Variants in POF1B observed in about 807,000 individuals in gnomAD.
POF1B encodes the protein protein POF1B.
Under a neutral mutation model 55.3 loss-of-function variants are expected in POF1B, and 53 were observed. The ratio of observed to expected loss-of-function variants is 0.96; its 90% CI spans 0.77 to 1.20. The LOEUF is 1.20. Ranked by LOEUF, POF1B falls within the 50% of genes most tolerant of loss-of-function variation. The probability of loss-of-function intolerance (pLI) is 0.00; values close to 1 mark genes in which losing one functional copy is unlikely to be tolerated. For synonymous variants in POF1B, 188 were observed against 148.3 expected (o/e 1.27, Z -1.95); for missense variants, 478 against 420.5 (o/e 1.14, Z -1.20).
chrX:85,350,287 G>A (rs1933353396), intron 5 of POF1B, among the ~76,000 whole-genome samples: 1 of 108,005 alleles, frequency 9.3e-6, no homozygotes, highest in Admixed American at 1.0e-4. Flanking sequence ...TGCGGTGTTT[G>A]GTTTTTTGTT....
intron 4 of POF1B, among the ~76,000 whole-genome samples, chrX:85,356,319 G>T (rs1196022133): frequency 9.4e-6 from 1 of 106,905 alleles, no homozygotes; most frequent in Non-Finnish European, 1.9e-5. Flanking sequence ...TGGGGTGGAG[G>T]GAGGGGGGGA....
intron 15 of POF1B, among the ~76,000 whole-genome samples, chrX:85,302,441 A>C (rs753282927): frequency 4.5e-5 from 5 of 111,626 alleles, no homozygotes; most frequent in African/African-American, 1.3e-4. Flanking sequence ...AACAATAACA[A>C]ATGGCAACGA....
chrX:85,318,187 T>C (rs914746854), intron 7 of POF1B, among the ~76,000 whole-genome samples: 9 of 111,846 alleles, frequency 8.0e-5, no homozygotes, highest in South Asian at 3.7e-4. Flanking sequence ...AGTTTACCTA[T>C]GTAACAAGCC....
intron 2 of POF1B, among the ~76,000 whole-genome samples, chrX:85,373,226 C>T (rs1325094412): frequency 9.0e-6 from 1 of 111,454 alleles, no homozygotes; most frequent in Non-Finnish European, 1.9e-5. Context: ...AGGGAGATAG[C>T]TGATGTAATG....
intron 4 of POF1B, among the ~76,000 whole-genome samples, chrX:85,354,328 T>G (rs1347777344): frequency 9.0e-6 from 1 of 111,083 alleles, no homozygotes; most frequent in Non-Finnish European, 1.9e-5. Flanking sequence ...CAAGTAGGCT[T>G]ACTGAGGGCA....
chrX:85,351,424 T>C lies in POF1B; in HGVS notation c.466A>G (p.Ser156Gly). 1 of 1,194,225 alleles carries C rather than the reference T, an allele frequency of 8.4e-7. No individual in the cohort carries two copies. Among genetic ancestry groups the C allele is most frequent in the Non-Finnish European group, 1.1e-6 (1 of 884,459 alleles). ...QEPLSQFLRGSHFFPGNNVIY... is the reference protein window; with the variant it reads ...QEPLSQFLRGGHFFPGNNVIY... ...ACATTGTTTCCTGGGAAGAAATGGC[T>C]TCCTCTTAGGAATTGAGACAGTGGT... Residue 156 changes from serine to glycine, a missense_variant, in exon 5 of 17, where the codon AGC becomes GGC. Physicochemically the swap from Ser to Gly is moderately conservative, Grantham distance 56. Transcript: ENST00000262753.
intron 15 of POF1B, among the ~76,000 whole-genome samples, chrX:85,289,953 GTATTT>G (rs1229013725): frequency 9.0e-6 from 1 of 111,673 alleles, no homozygotes; most frequent in African/African-American, 3.3e-5. Flanking sequence ...AATAATTTTT[GTATTT>G]TATTTATTTT....
At chrX:85,281,104 A>T (rs940258236) in intron 16 of POF1B, among the ~76,000 whole-genome samples, 1 of 110,587 alleles carries the variant, frequency 9.0e-6, no homozygotes, top group Admixed American at 9.7e-5. Context: ...GGCCCTTGGT[A>T]TTCATGGGTT....
intron 2 of POF1B, among the ~76,000 whole-genome samples, chrX:85,375,160 T>C (rs1442733052): frequency 9.0e-6 from 1 of 111,412 alleles, no homozygotes; most frequent in Non-Finnish European, 1.9e-5. Flanking sequence ...TGAGTATATA[T>C]ACTTTATTGA....
At chrX:85,328,752 A>G (rs1445928472) in intron 7 of POF1B, among the ~76,000 whole-genome samples, 1 of 110,080 alleles carries the variant, frequency 9.1e-6, no homozygotes, top group Admixed American at 9.8e-5. Context: ...ACTTGTAACT[A>G]CATGTCTTAA....
chrX:85,369,053 A>G (rs1457048668), intron 2 of POF1B, among the ~76,000 whole-genome samples: 7 of 111,991 alleles, frequency 6.3e-5, no homozygotes, highest in Non-Finnish European at 1.1e-4. Flanking sequence ...AAACTGCCAA[A>G]TGTTCTGAAT....
At chrX:85,306,908 A>G (rs1932586949) in intron 11 of POF1B, among the ~76,000 whole-genome samples, 1 of 111,970 alleles carries the variant, frequency 8.9e-6, no homozygotes, top group African/African-American at 3.2e-5. Flanking sequence ...TAGTATTTCT[A>G]CAATTCTGGT....
intron 15 of POF1B, among the ~76,000 whole-genome samples, chrX:85,287,283 T>C (rs774354912): frequency 4.5e-5 from 5 of 110,810 alleles, no homozygotes; most frequent in African/African-American, 1.3e-4. Flanking sequence ...AGAAACAGTA[T>C]AGGAAAATCA....
chrX:85,370,682 A>T (rs1055335021), intron 2 of POF1B, among the ~76,000 whole-genome samples: 2 of 111,667 alleles, frequency 1.8e-5, no homozygotes, highest in Admixed American at 1.9e-4. Flanking sequence ...AATGAACAAA[A>T]CCTTGATGTT....
At chrX:85,324,242 A>C (rs1392918708) in intron 7 of POF1B, among the ~76,000 whole-genome samples, 1 of 111,236 alleles carries the variant, frequency 9.0e-6, no homozygotes, top group Non-Finnish European at 1.9e-5. Flanking sequence ...CATTTTGTCA[A>C]GTGTTGATTT....
intron 6 of POF1B, among the ~76,000 whole-genome samples, chrX:85,341,501 AAGAGGTTGC>A (rs979055636): frequency 6.3e-5 from 7 of 111,493 alleles, no homozygotes; most frequent in Non-Finnish European, 1.1e-4. Context: ...GTTTCATAGT[AAGAGGTTGC>A]AGAGGTTGCA....
intron 6 of POF1B, among the ~76,000 whole-genome samples, chrX:85,343,573 T>C (rs1404824622): frequency 9.0e-6 from 1 of 111,496 alleles, no homozygotes; most frequent in Non-Finnish European, 1.9e-5. Context: ...GTTTTCTCCA[T>C]TGATTTTTTC....
chrX:85,328,442 G>A (rs1199838494), intron 7 of POF1B, among the ~76,000 whole-genome samples: 1 of 110,466 alleles, frequency 9.1e-6, no homozygotes, highest in Non-Finnish European at 1.9e-5. Context: ...CTGACCTCGG[G>A]ATCCGCCCGC....
intron 7 of POF1B, among the ~76,000 whole-genome samples, chrX:85,328,292 C>A (rs1932923250): frequency 9.2e-6 from 1 of 108,433 alleles, no homozygotes; most frequent in African/African-American, 3.4e-5. Flanking sequence ...GCAAGCTCCG[C>A]CTCCCGGGTT....
Sources: allele counts gnomAD v4.1 joint callset (sites outside exome capture counted in the v4.1 genomes callset), GRCh38; gene constraint gnomAD v4.1.1; transcripts MANE v1.5; gene names NCBI Gene and HGNC (gene_info 2026-07-23, HGNC 2026-07-21).